Variants in SGCZ observed in about 807,000 individuals in gnomAD.
SGCZ encodes the protein sarcoglycan zeta.
A neutral mutation model predicts 41.3 loss-of-function variants in SGCZ; 40 were observed. That is an observed-to-expected ratio of 0.97 (90% confidence interval 0.75 to 1.26). SGCZ has a LOEUF of 1.26. SGCZ is among the 50% of genes most tolerant of loss of function. The pLI is 0.00. For synonymous variants in SGCZ, 206 were observed against 137.5 expected (o/e 1.50, Z -3.49); for missense variants, 552 against 369.8 (o/e 1.49, Z -4.04).
intron 3 of SGCZ, among the ~76,000 whole-genome samples, chr8:14,311,410 A>C (rs546914153): frequency 1.3e-5 from 2 of 152,266 alleles, no homozygotes; most frequent in South Asian, 4.1e-4. Context: ...TTTTTGGTGC[A>C]TGCTACTGAC....
intron 4 of SGCZ, among the ~76,000 whole-genome samples, chr8:14,169,912 C>G (rs1332181289): frequency 6.6e-6 from 1 of 152,052 alleles, no homozygotes; most frequent in African/African-American, 2.4e-5. Flanking sequence ...AAGGCAGAGA[C>G]CAGCATAGAA....
At position 14,878,198 on chromosome 8, in the gene SGCZ, C is replaced by CT. The variant is rs540663370; in HGVS notation, c.40-323273dup. 2.2e-3 allele frequency among the ~76,000 whole-genome samples: 306 copies of CT among 141,770 alleles called. 2 individuals carry two copies. The highest frequency in any genetic ancestry group is 3.8e-3 in the Middle Eastern group (1 of 266). The allele number at this position is 141,770 out of a possible 152,430, so 93.0% of individuals were successfully genotyped here. On this transcript the variant is annotated intron_variant, in intron 1 of 7. Transcript: ENST00000382080. ...GGCAGTCTTCTTTTTTTCTTTTTTT[C>CT]TTTTTTTTTTTTTCCATTTTGGCTT...
intron 1 of SGCZ, among the ~76,000 whole-genome samples, chr8:15,119,216 A>C (rs768642002): frequency 1.3e-5 from 2 of 152,200 alleles, no homozygotes; most frequent in Non-Finnish European, 2.9e-5. Context: ...CAAACAGCTT[A>C]AAATACCAAA....
rs1302369348 is a variant in SGCZ, at chr8:14,742,984, G to A, written c.40-188058C>T. Reference sequence around the variant, plus strand: ...GCGTTTGCTACAATGTTTGTACCATGAGCATTTAAATTTTCTCACTAATTT... The same window carrying A: ...GCGTTTGCTACAATGTTTGTACCATAAGCATTTAAATTTTCTCACTAATTT... On this transcript the variant is annotated intron_variant, in intron 1 of 7. Transcript: ENST00000382080. Among the ~76,000 whole-genome samples, 11 of 152,048 alleles carry A rather than the reference G, an allele frequency of 7.2e-5. No individual in the cohort carries two copies. In the South Asian group the frequency reaches 1.4e-3, roughly 20 times the overall value.
At chr8:14,713,664 C>T (rs1809593725) in intron 1 of SGCZ, among the ~76,000 whole-genome samples, 1 of 147,962 alleles carries the variant, frequency 6.8e-6, no homozygotes, top group African/African-American at 2.5e-5. Flanking sequence ...AACTCCAACC[C>T]TTAAAAACAG....
At chr8:14,458,420 G>A (rs1343494011) in intron 2 of SGCZ, among the ~76,000 whole-genome samples, 4 of 152,154 alleles carry the variant, frequency 2.6e-5, no homozygotes, top group Non-Finnish European at 5.9e-5. Flanking sequence ...ATGCGTAGGT[G>A]ATGCTGAAAC....
intron 2 of SGCZ, among the ~76,000 whole-genome samples, chr8:14,331,322 T>C (rs1185607241): frequency 1.3e-5 from 2 of 152,090 alleles, no homozygotes; most frequent in Non-Finnish European, 2.9e-5. Flanking sequence ...CAACTTCTAA[T>C]TAAAGAGGAG....
intron 1 of SGCZ, among the ~76,000 whole-genome samples, chr8:15,002,140 G>A (rs532882476): frequency 1.6e-4 from 24 of 151,580 alleles, no homozygotes; most frequent in African/African-American, 4.8e-4. Flanking sequence ...CCACAGAACA[G>A]CAGCATAACC....
At chr8:15,129,650 C>T (rs750493821) in intron 1 of SGCZ, among the ~76,000 whole-genome samples, 8 of 135,156 alleles carry the variant, frequency 5.9e-5, no homozygotes, top group African/African-American at 2.2e-4. Context: ...GAAATAGAGG[C>T]GTGTAAGTGC....
chr8:14,501,093 C>T (rs563168544), intron 2 of SGCZ, among the ~76,000 whole-genome samples: 4 of 152,074 alleles, frequency 2.6e-5, no homozygotes, highest in East Asian at 3.9e-4. Context: ...TTTCTAGAAG[C>T]TCTTGGGGAG....
At chr8:14,689,892 G>T (rs1282116136) in intron 1 of SGCZ, among the ~76,000 whole-genome samples, 1 of 152,200 alleles carries the variant, frequency 6.6e-6, no homozygotes, top group Non-Finnish European at 1.5e-5. Flanking sequence ...GAGACTGGTT[G>T]TTTATGACAA....
intron 1 of SGCZ, among the ~76,000 whole-genome samples, chr8:14,724,051 A>AATT (rs1809974896): frequency 6.6e-6 from 1 of 152,158 alleles, no homozygotes; most frequent in Admixed American, 6.5e-5. Flanking sequence ...CAATTGCTTA[A>AATT]AGTCAATGAA....
At chr8:15,213,760 A>C (rs1447617574) in intron 1 of SGCZ, among the ~76,000 whole-genome samples, 2 of 152,018 alleles carry the variant, frequency 1.3e-5, no homozygotes, top group African/African-American at 4.8e-5. Flanking sequence ...TAGATATAAT[A>C]CTGTTTTATG....
At chr8:14,243,820 G>A (rs919291794) in intron 3 of SGCZ, among the ~76,000 whole-genome samples, 1 of 152,096 alleles carries the variant, frequency 6.6e-6, no homozygotes, top group African/African-American at 2.4e-5. Flanking sequence ...CCACCCTTCA[G>A]TTCCTCAGTC....
At chr8:14,112,112 G>GCAAA (rs1802389365) in intron 5 of SGCZ, among the ~76,000 whole-genome samples, 2 of 152,032 alleles carry the variant, frequency 1.3e-5, no homozygotes, top group South Asian at 2.1e-4. Context: ...CAGAGAGAAA[G>GCAAA]CAAACAACCA....
intron 1 of SGCZ, among the ~76,000 whole-genome samples, chr8:15,038,078 C>T (rs947553672): frequency 7.5e-5 from 9 of 119,676 alleles, no homozygotes; most frequent in African/African-American, 2.3e-4. Context: ...ATTTCAGTGA[C>T]GTTTTTAAAC....
At chr8:14,330,292 C>T (rs112452513) in intron 2 of SGCZ, among the ~76,000 whole-genome samples, 21 of 152,070 alleles carry the variant, frequency 1.4e-4, no homozygotes, top group African/African-American at 4.3e-4. Context: ...TAGTAAAATG[C>T]TTGATTGTTG....
intron 2 of SGCZ, among the ~76,000 whole-genome samples, chr8:14,344,777 A>G (rs183830288): frequency 6.6e-6 from 1 of 152,126 alleles, no homozygotes; most frequent in African/African-American, 2.4e-5. Context: ...ACCAGCTACA[A>G]ATGAAAATAT....
At chr8:14,224,421 A>T (rs1033912607) in intron 4 of SGCZ, among the ~76,000 whole-genome samples, 1 of 152,168 alleles carries the variant, frequency 6.6e-6, no homozygotes, top group African/African-American at 2.4e-5. Flanking sequence ...TCTAGCTCTG[A>T]AGGTGAAAGG....
Sources: gnomAD v4.1 joint callset for allele counts (sites outside exome capture counted in the v4.1 genomes callset) on GRCh38, gnomAD v4.1.1 for gene constraint, MANE v1.5 for transcripts, NCBI Gene and HGNC (gene_info 2026-07-23, HGNC 2026-07-21) for gene names.